SLC30A7: variants seen among roughly 807,000 people sequenced by gnomAD.
SLC30A7 encodes zinc transporter 7.
SLC30A7 carries 35 observed loss-of-function variants against 46.0 expected under a neutral mutation model. The ratio of observed to expected loss-of-function variants is 0.76; its 90% CI spans 0.58 to 1.01. The LOEUF is 1.01. Ranked by LOEUF, SLC30A7 falls within the 50% of genes least tolerant of loss-of-function variation. The pLI is 0.00. For synonymous variants in SLC30A7, 147 were observed against 157.8 expected, an observed-to-expected ratio of 0.93 and a Z score of 0.51; for missense variants, 464 against 451.1, an observed-to-expected ratio of 1.03 and a Z score of -0.26.
chr1:100,992,816 C>G, the SLC30A7 span: 2 of 977,184 alleles, frequency 2.0e-6, no homozygotes, highest in East Asian at 2.4e-5. Flanking sequence ...ATTAGCTCTC[C>G]CAGGTATACT....
chr1:100,933,953 G>C (rs1368516890), intron 8 of SLC30A7, among the ~76,000 whole-genome samples: 2 of 152,032 alleles, frequency 1.3e-5, no homozygotes, highest in Non-Finnish European at 2.9e-5. Context: ...CTTTAAATTT[G>C]TCAAGTTATT....
the SLC30A7 span, among the ~76,000 whole-genome samples, chr1:100,992,330 T>C: frequency 2.0e-5 from 3 of 152,130 alleles, no homozygotes; most frequent in Non-Finnish European, 2.9e-5. Context: ...ACATAATAGA[T>C]ATATTTTACA....
intron 8 of SLC30A7, among the ~76,000 whole-genome samples, chr1:100,957,560 G>A (rs1217412919): frequency 6.6e-6 from 1 of 152,062 alleles, no homozygotes; most frequent in East Asian, 1.9e-4. Context: ...CTGATGCTCT[G>A]GAAGACTATG....
intron 8 of SLC30A7, among the ~76,000 whole-genome samples, chr1:100,944,814 G>A (rs1238318498): frequency 6.6e-6 from 1 of 151,942 alleles, no homozygotes; most frequent in African/African-American, 2.4e-5. Flanking sequence ...TCCTTTGTGG[G>A]ATCACTGGGT....
At chr1:100,965,011 G>A (rs919325178) in intron 9 of SLC30A7, among the ~76,000 whole-genome samples, 12 of 152,110 alleles carry the variant, frequency 7.9e-5, no homozygotes, top group African/African-American at 2.9e-4. Flanking sequence ...ATTTTTGATA[G>A]ATATAAGATC....
downstream of SLC30A7, among the ~76,000 whole-genome samples, chr1:100,984,671 C>A (rs1369620191): frequency 6.6e-6 from 1 of 152,132 alleles, no homozygotes; most frequent in Non-Finnish European, 1.5e-5. Context: ...CCTGCTCAAA[C>A]AAAAAGATTG....
intron 8 of SLC30A7, among the ~76,000 whole-genome samples, 153 bp from the exon 9 acceptor site, chr1:100,961,675 A>G (rs1482480411): frequency 1.3e-5 from 2 of 152,208 alleles, no homozygotes; most frequent in East Asian, 3.8e-4. Context: ...GATCACGTGG[A>G]AAATCTAAAA....
intron 8 of SLC30A7, among the ~76,000 whole-genome samples, chr1:100,924,408 C>A (rs373290335): frequency 1.3e-5 from 2 of 152,250 alleles, no homozygotes; most frequent in South Asian, 4.1e-4. Flanking sequence ...CCACACCCCC[C>A]ACCCCTTCCC....
chr1:100,947,977 A>G (rs1654742554), intron 8 of SLC30A7, among the ~76,000 whole-genome samples: 2 of 152,084 alleles, frequency 1.3e-5, no homozygotes, highest in African/African-American at 2.4e-5. Context: ...AATACAGCAC[A>G]CTGATGGGTC....
At chr1:100,949,725 G>A (rs562431540) in intron 8 of SLC30A7, among the ~76,000 whole-genome samples, 1 of 152,154 alleles carries the variant, frequency 6.6e-6, no homozygotes, top group Non-Finnish European at 1.5e-5. Context: ...CAATACAGAT[G>A]CCCCTCCCCC....
chr1:100,947,248 T>C (rs1654690689), intron 8 of SLC30A7, among the ~76,000 whole-genome samples: 1 of 152,234 alleles, frequency 6.6e-6, no homozygotes, highest in Non-Finnish European at 1.5e-5. Context: ...GAGATTCTGG[T>C]ACATTGTGTC....
intron 8 of SLC30A7, among the ~76,000 whole-genome samples, chr1:100,923,280 T>TTTTTATA (rs1198728051): frequency 1.2e-4 from 13 of 106,058 alleles, no homozygotes; most frequent in East Asian, 2.4e-4. Context: ...CCTCCCAAAG[T>TTTTTATA]GCTGGGATTA....
chr1:100,951,113 G>A (rs937428016), intron 8 of SLC30A7, among the ~76,000 whole-genome samples: 1 of 152,126 alleles, frequency 6.6e-6, no homozygotes, highest in Non-Finnish European at 1.5e-5. Context: ...GAGGGAGTGT[G>A]AATCAGATTT....
At chr1:100,960,385 T>C (rs1367562892) in intron 8 of SLC30A7, among the ~76,000 whole-genome samples, 1 of 152,204 alleles carries the variant, frequency 6.6e-6, no homozygotes, top group African/African-American at 2.4e-5. Context: ...CTGAAACATT[T>C]GATTATCTTT....
chr1:100,911,381 G>C (rs1028155266), intron 4 of SLC30A7, among the ~76,000 whole-genome samples: 4 of 152,118 alleles, frequency 2.6e-5, no homozygotes, highest in Admixed American at 6.6e-5. Context: ...TATAGATGAA[G>C]TGTTAATACT....
At chr1:100,901,986 T>G (rs979352435) in intron 2 of SLC30A7, among the ~76,000 whole-genome samples, 13 of 151,436 alleles carry the variant, frequency 8.6e-5, no homozygotes, top group South Asian at 2.1e-4. Flanking sequence ...AGTTTAAATA[T>G]AATTCATAAT....
chr1:100,988,139 C>T, the SLC30A7 span, among the ~76,000 whole-genome samples: 11 of 152,304 alleles, frequency 7.2e-5, no homozygotes, highest in Admixed American at 1.3e-4. Flanking sequence ...CATATGCAGA[C>T]AGGAAGCCTC....
chr1:100,961,881 C>T lies in SLC30A7; in HGVS notation c.896C>T (p.Pro299Leu). 1.2e-6 allele frequency: 2 copies of T among 1,607,752 alleles called. No homozygotes were observed. The highest frequency in any genetic ancestry group is 8.5e-7 in the Non-Finnish European group (1 of 1,176,064). ...SVGILMQRTP[P>L]LLENSLPQCY... ...GGAATATTAATGCAGAGAACTCCTC[C>T]CCTATTAGAAAATAGTCTGCCTCAG... The change falls in exon 9 of 11, where the codon CCC (proline) becomes CTC (leucine). Residue 299 changes from proline (P) to leucine (L), a missense_variant. Physicochemically the swap from Pro to Leu is moderately conservative, Grantham distance 98 (BLOSUM62 -3). Transcript: ENST00000357650.
At chr1:100,989,607 G>T in the SLC30A7 span, 13 of 152,302 alleles carry the variant, frequency 8.5e-5, no homozygotes, top group Middle Eastern at 3.4e-3. Context: ...TTAAAAAGAA[G>T]AAAATTATAA....
Sources: gnomAD v4.1 joint callset for allele counts (sites outside exome capture counted in the v4.1 genomes callset) on GRCh38, gnomAD v4.1.1 for gene constraint, MANE v1.5 for transcripts, NCBI Gene and HGNC (gene_info 2026-07-23, HGNC 2026-07-21) for gene names.